Variants in DLG4 observed in about 807,000 individuals in gnomAD.
DLG4 encodes discs large MAGUK scaffold protein 4, also known as disks large homolog 4.
Under a neutral mutation model 93.8 loss-of-function variants are expected in DLG4, and 7 were observed. The observed-to-expected ratio is 0.07, with a 90% CI of 0.04 to 0.14. The LOEUF is 0.14. Ranked by LOEUF, DLG4 falls within the 10% of genes least tolerant of loss-of-function variation. The pLI, the probability that DLG4 is intolerant of heterozygous loss-of-function variation, is 1.00. For missense variants in DLG4, 545 were observed against 992.9 expected, an observed-to-expected ratio of 0.55 and a Z score of 6.06; for synonymous variants, 341 against 387.6, an observed-to-expected ratio of 0.88 and a Z score of 1.41.
rs1226933191 is a variant in DLG4, at chr17:7,196,165, C to T, written c.1301+55G>A. ...GAGCGGCTGAGGCCCGGGCCAGGCA[C>T]AGAGTGCCCAGGAACGCAGAGGGGC... is the stretch of plus-strand genomic sequence containing the variant. On this transcript the variant is annotated intron_variant, in intron 11 of 19. Coordinates refer to ENST00000399506, the MANE Select transcript of DLG4 (RefSeq NM_001321075.3). The surrounding 1 kb of genome is among the most constrained non-coding windows in gnomAD (Gnocchi z 8.3). The T allele has an allele frequency of 1.4e-6, 2 of 1,409,538 alleles. No homozygotes were observed. Among genetic ancestry groups the T allele is most frequent in the African/African-American group, 1.4e-5 (1 of 70,458 alleles). 87.3% of individuals were successfully genotyped at this position (1,409,538 alleles called of 1,614,324 possible). A position where few individuals can be genotyped will look rare whatever the true frequency, so the allele number is the denominator to read the frequency against.
chr17:7,218,783 C>T (rs1177057084), upstream of DLG4: 2 of 1,611,786 alleles, frequency 1.2e-6, no homozygotes, highest in Non-Finnish European at 1.7e-6. Flanking sequence ...GCCCCAGCCC[C>T]CCACTTCGCT....
chr17:7,199,951 G>T (rs1467089811), intron 8 of DLG4, among the ~76,000 whole-genome samples: 3 of 148,050 alleles, frequency 2.0e-5, no homozygotes, highest in African/African-American at 7.5e-5. Flanking sequence ...CTGCACTCCA[G>T]CCTGGGCGAC....
At position 7,203,878 on chromosome 17, in the gene DLG4, G is replaced by T; in HGVS notation, c.211-62C>A. 1 of 1,602,626 alleles carries T rather than the reference G, an allele frequency of 6.2e-7. No homozygotes were observed. The highest frequency in any genetic ancestry group is 1.1e-5 in the South Asian group (1 of 89,710). On this transcript the variant is annotated intron_variant, in intron 4 of 19. Transcript: ENST00000399506. This position sits in a 1 kb window ranked among gnomAD's most constrained non-coding sequence, Gnocchi z 7.2. ...CTGCCCAAGTCTGGCAAGGCAAGTG[G>T]GGTGGGAAATGGCTTGGAGCAGCCA... is the stretch of plus-strand genomic sequence containing the variant.
chr17:7,219,857 G>A, upstream of DLG4: 1 of 1,538,982 alleles, frequency 6.5e-7, no homozygotes, highest in Non-Finnish European at 8.7e-7. Flanking sequence ...ATGCCCCGGG[G>A]CCCGCAACCG....
intron 8 of DLG4, among the ~76,000 whole-genome samples, chr17:7,201,700 G>A (rs551414158): frequency 5.9e-5 from 9 of 152,042 alleles, no homozygotes; most frequent in Non-Finnish European, 1.0e-4. Flanking sequence ...GGCCAACATG[G>A]TGAAACCCTG....
chr17:7,219,851 C>CCCGGGGCCCGCAACCGT, upstream of DLG4: 4 of 1,538,838 alleles, frequency 2.6e-6, no homozygotes, highest in Non-Finnish European at 3.5e-6. Flanking sequence ...CCCAGCATGC[C>CCCGGGGCCCGCAACCGT]CCGGGGCCCG....
rs748268578 is a variant in DLG4, at chr17:7,189,628, G to A, written c.*1080C>T. 1.8e-4 allele frequency among the ~76,000 whole-genome samples: 27 copies of A among 152,096 alleles called. No homozygotes were observed. The highest frequency in any genetic ancestry group is 5.1e-4 in the African/African-American group (21 of 41,410). ...CTTCCCAACAGGACTGAGACAGCCC[G>A]GCAGGGATCAGAGCTGGACTAAGTC... On this transcript the variant is annotated 3_prime_UTR_variant, in exon 20 of 20. Coordinates refer to ENST00000399506, the MANE Select transcript of DLG4 (RefSeq NM_001321075.3).
At chr17:7,213,827 G>C in intron 1 of DLG4, 1 of 471,096 alleles carries the variant, frequency 2.1e-6, no homozygotes, top group Non-Finnish European at 4.4e-6. Context: ...CCGTTGATCG[G>C]CATCTGTTAC....
chr17:7,190,544 C>T lies in DLG4; in HGVS notation c.*164G>A. ...CAGTTCTGGGGTGCGGGGATACATGCAGAGGAGTGTCCCCCCTCCAACAGG... is the reference window on the plus strand; with the variant it reads ...CAGTTCTGGGGTGCGGGGATACATGTAGAGGAGTGTCCCCCCTCCAACAGG... On this transcript the variant is annotated 3_prime_UTR_variant, in exon 20 of 20. Transcript: ENST00000399506. 1.6e-6 allele frequency: 1 copy of T among 636,180 alleles called. No individual in the cohort carries two copies. Among genetic ancestry groups the T allele is most frequent in the East Asian group, 2.8e-5 (1 of 36,194 alleles). 39.4% of individuals were successfully genotyped at this position (636,180 alleles called of 1,614,324 possible). A position where few individuals can be genotyped will look rare whatever the true frequency, so the allele number is the denominator to read the frequency against.
rs1007289753 is a variant in DLG4 at position 7,193,197 on chromosome 17, C to T, written c.1694-80G>A. ...AATCCTGCCTACTTCAATCAAATCC[C>T]CATAGTGCCCAGCTGGTCCTTTGGT... On this transcript the variant is annotated intron_variant, in intron 16 of 19. Transcript: ENST00000399506. This position sits in a 1 kb window ranked among gnomAD's most constrained non-coding sequence, Gnocchi z 6.7. 6.4e-7 allele frequency: 1 copy of T among 1,562,286 alleles called. No homozygotes were observed. Among genetic ancestry groups the T allele is most frequent in the African/African-American group, 1.3e-5 (1 of 74,292 alleles).
rs776878914 is a variant in DLG4 at position 7,193,932 on chromosome 17, T to TTCCACCCAGGCTCACACC, written c.1515+14_1515+31dup. The stretch of plus-strand genomic sequence containing the variant: ...AGCTCAGCTCCATGAGCCCTCACAC[T>TTCCACCCAGGCTCACACC]TCCACCCAGGCTCACACCCTCCTCC... On this transcript the variant is annotated intron_variant, in intron 13 of 19. Transcript: ENST00000399506. This position sits in a 1 kb window ranked among gnomAD's most constrained non-coding sequence, Gnocchi z 6.7. 1.5e-4 allele frequency: 248 copies of TTCCACCCAGGCTCACACC among 1,613,454 alleles called. No individual in the cohort carries two copies. The highest frequency in any genetic ancestry group is 2.0e-4 in the Non-Finnish European group (237 of 1,179,740).
intron 2 of DLG4, among the ~76,000 whole-genome samples, chr17:7,207,747 GCACA>G (rs920718608): frequency 6.7e-5 from 10 of 150,038 alleles, no homozygotes; most frequent in South Asian, 2.1e-4. Context: ...CACACACACA[GCACA>G]CACACAGGCA....
chr17:7,200,919 G>A lies in DLG4; in HGVS notation c.787+1984C>T, dbSNP rs544054477. On this transcript the variant is annotated intron_variant, in intron 8 of 19. Transcript: ENST00000399506. ...CTATCGCCCAGGCTGGAGTGCAGTG[G>A]TGAGATCTTGGCTCACTGCAAGCTC... Among the ~76,000 whole-genome samples, 332 of 148,552 alleles carry A rather than the reference G, an allele frequency of 2.2e-3. 1 individual carries two copies. The highest frequency in any genetic ancestry group is 5.9e-3 in the Admixed American group (88 of 14,820).
rs1240414261 is a variant in DLG4, at chr17:7,203,950, CAGAA to C, written c.210+54_210+57del. On this transcript the variant is annotated intron_variant, in intron 4 of 19. Coordinates refer to ENST00000399506, the MANE Select transcript of DLG4 (RefSeq NM_001321075.3). This position sits in a 1 kb window ranked among gnomAD's most constrained non-coding sequence, Gnocchi z 7.2. ...GGGGCTAGCCACCCAGACCACATGG[CAGAA>C]AGAAAGGTACAGACGGGAGGCCACG... 1 of 1,595,780 alleles carries C rather than the reference CAGAA, an allele frequency of 6.3e-7. No homozygotes were observed. The highest frequency in any genetic ancestry group is 8.5e-7 in the Non-Finnish European group (1 of 1,171,054).
chr17:7,196,902 C>T lies in DLG4; in HGVS notation c.938G>A (p.Arg313Gln), dbSNP rs764739020. The change falls in exon 9 of 20, where the codon CGA becomes CAA. Residue 313 changes from arginine (R) to glutamine (Q), a missense_variant. Around this residue, in one of 5 missense-constraint regions of DLG4, gnomAD observed 428 missense variants for 741.4 expected, o/e 0.58. Transcript: ENST00000399506. The surrounding 1 kb of genome is among the most constrained non-coding windows in gnomAD (Gnocchi z 8.3). ...CGTGGAGCCCCGGTGGATCACAATTCGCCTCGGTTCTCGGGGAATGTCTTC... is the reference window on the plus strand; with the variant it reads ...CGTGGAGCCCCGGTGGATCACAATTTGCCTCGGTTCTCGGGGAATGTCTTC... ...GEEDIPREPRRIVIHRGSTGL... is the reference protein window; with the variant it reads ...GEEDIPREPRQIVIHRGSTGL... 3 of 1,613,848 alleles carry T rather than the reference C, an allele frequency of 1.9e-6. No homozygotes were observed. Among genetic ancestry groups the T allele is most frequent in the Admixed American group, 3.3e-5 (2 of 59,998 alleles).
rs1424264062 is a variant in DLG4, at chr17:7,193,320, C to T, written c.1693+163G>A. On this transcript the variant is annotated intron_variant, in intron 16 of 19. Coordinates refer to ENST00000399506, the MANE Select transcript of DLG4 (RefSeq NM_001321075.3). The surrounding 1 kb of genome is among the most constrained non-coding windows in gnomAD (Gnocchi z 6.7). ...CAAGTCTCTGGCCTGGGCATGGGTA[C>T]TATGGAATGAGAGGGTGGCTGAGAA... Among the ~76,000 whole-genome samples, 1 of 152,098 alleles carries T rather than the reference C, an allele frequency of 6.6e-6. No homozygotes were observed. The highest frequency in any genetic ancestry group is 1.5e-5 in the Non-Finnish European group (1 of 68,018).
chr17:7,208,367 C>A lies in DLG4; in HGVS notation c.31-128G>T. Reference sequence around the variant, plus strand: ...AGGCCCTGGGGCCTGACCAGCTCCTCCCCCTCCCTCTCCTCTAGCCCATTG... The same window carrying A: ...AGGCCCTGGGGCCTGACCAGCTCCTACCCCTCCCTCTCCTCTAGCCCATTG... On this transcript the variant is annotated intron_variant, in intron 1 of 19. Transcript: ENST00000399506. This position sits in a 1 kb window ranked among gnomAD's most constrained non-coding sequence, Gnocchi z 5.4. 1.3e-6 allele frequency: 1 copy of A among 770,108 alleles called. No homozygotes were observed. Among genetic ancestry groups the A allele is most frequent in the Admixed American group, 3.4e-5 (1 of 29,182 alleles). 47.7% of individuals were successfully genotyped at this position (770,108 alleles called of 1,614,324 possible). A position where few individuals can be genotyped will look rare whatever the true frequency, so the allele number is the denominator to read the frequency against.
At position 7,203,877 on chromosome 17, in the gene DLG4, G is replaced by C. The variant is rs906440767; in HGVS notation, c.211-61C>G. On this transcript the variant is annotated intron_variant, in intron 4 of 19. Coordinates refer to ENST00000399506, the MANE Select transcript of DLG4 (RefSeq NM_001321075.3). This position sits in a 1 kb window ranked among gnomAD's most constrained non-coding sequence, Gnocchi z 7.2. Reference sequence around the variant, plus strand: ...ACTGCCCAAGTCTGGCAAGGCAAGTGGGGTGGGAAATGGCTTGGAGCAGCC... The same window carrying C: ...ACTGCCCAAGTCTGGCAAGGCAAGTCGGGTGGGAAATGGCTTGGAGCAGCC... The C allele has an allele frequency of 4.4e-6, 7 of 1,602,908 alleles. No individual in the cohort carries two copies. The highest frequency in any genetic ancestry group is 6.0e-6 in the Non-Finnish European group (7 of 1,174,722).
chr17:7,199,648 A>G (rs1403230915), intron 8 of DLG4, among the ~76,000 whole-genome samples: 1 of 152,060 alleles, frequency 6.6e-6, no homozygotes, highest in Non-Finnish European at 1.5e-5. Flanking sequence ...TCTAGTATGA[A>G]AGAAGTTAGA....
Sources: allele counts gnomAD v4.1 joint callset (sites outside exome capture counted in the v4.1 genomes callset), GRCh38; gene constraint gnomAD v4.1.1; regional missense constraint gnomAD v4.1.1; non-coding constraint Gnocchi (gnomAD v3.1); transcripts MANE v1.5; gene names NCBI Gene and HGNC (gene_info 2026-07-23, HGNC 2026-07-21).